FSTL5: variants seen among roughly 807,000 people sequenced by gnomAD.
The protein encoded by FSTL5 is follistatin-related protein 5.
FSTL5 carries 62 observed loss-of-function variants against 89.1 expected under a neutral mutation model. That is an observed-to-expected ratio of 0.70 (90% CI 0.57 to 0.86). The LOEUF (loss-of-function observed/expected upper bound fraction) is 0.86. FSTL5 is among the 40% of genes least tolerant of loss of function. The pLI, the probability that FSTL5 is intolerant of heterozygous loss-of-function variation, is 0.00. For synonymous variants in FSTL5, 383 were observed against 346.2 expected (o/e 1.11, Z -1.18); for missense variants, 1,057 against 1,001.6 (o/e 1.06, Z -0.75).
At chr4:162,140,829 TATG>T (rs1186148133) in intron 1 of FSTL5, among the ~76,000 whole-genome samples, 2 of 152,094 alleles carry the variant, frequency 1.3e-5, no homozygotes, top group African/African-American at 4.8e-5. Flanking sequence ...GAGAATCTGA[TATG>T]AGGAGTAGAA....
At position 161,470,133 on chromosome 4, in the gene FSTL5, T is replaced by G. The variant is rs143324852; in HGVS notation, c.1609-10814A>C. The stretch of plus-strand genomic sequence containing the variant: ...AAGTCCAATTTATGTAATTTTTCTT[T>G]GATTGCTTGTGCCTTTGTTGTCACA... On this transcript the variant is annotated intron_variant, in intron 13 of 15. Coordinates refer to ENST00000306100, the MANE Select transcript of FSTL5 (RefSeq NM_020116.5). Among the ~76,000 whole-genome samples, 241 of 152,338 alleles carry G rather than the reference T, an allele frequency of 1.6e-3. 1 individual carries two copies. Among genetic ancestry groups the G allele is most frequent in the Admixed American group, 5.4e-3 (83 of 15,290 alleles).
At chr4:161,862,728 C>A (rs1489541618) in intron 4 of FSTL5, among the ~76,000 whole-genome samples, 1 of 151,908 alleles carries the variant, frequency 6.6e-6, no homozygotes, top group Admixed American at 6.6e-5. Flanking sequence ...GAGACTCCAT[C>A]TCAAAAAATA....
intron 3 of FSTL5, among the ~76,000 whole-genome samples, chr4:161,935,913 G>A (rs1366243255): frequency 1.3e-5 from 2 of 152,166 alleles, no homozygotes; most frequent in African/African-American, 4.8e-5. Flanking sequence ...TAGGTGAGGT[G>A]GCCCATGCCT....
At chr4:161,847,712 C>T (rs1020846727) in intron 4 of FSTL5, among the ~76,000 whole-genome samples, 2 of 151,964 alleles carry the variant, frequency 1.3e-5, no homozygotes, top group Admixed American at 6.6e-5. Flanking sequence ...TTAATCTCAA[C>T]ATAATATTAA....
At chr4:162,030,339 A>G (rs1729738231) in intron 3 of FSTL5, among the ~76,000 whole-genome samples, 1 of 152,150 alleles carries the variant, frequency 6.6e-6, no homozygotes, top group African/African-American at 2.4e-5. Context: ...ACTCAATACA[A>G]TGTCTGAAAT....
At chr4:162,122,436 T>C (rs570998382) in intron 1 of FSTL5, among the ~76,000 whole-genome samples, 1 of 152,240 alleles carries the variant, frequency 6.6e-6, no homozygotes, top group South Asian at 2.1e-4. Context: ...AATATTCTCA[T>C]GATTTCACTT....
At chr4:161,618,300 T>C (rs1170173428) in intron 7 of FSTL5, among the ~76,000 whole-genome samples, 1 of 136,928 alleles carries the variant, frequency 7.3e-6, no homozygotes, top group Non-Finnish European at 1.5e-5. Flanking sequence ...CTTTTCCTAA[T>C]TGAATACCTT....
At chr4:161,430,568 G>A (rs145203355) in intron 15 of FSTL5, among the ~76,000 whole-genome samples, 2 of 152,026 alleles carry the variant, frequency 1.3e-5, no homozygotes, top group Non-Finnish European at 2.9e-5. Context: ...GTGAAACCCC[G>A]TCTCTACTAA....
chr4:161,691,095 T>C (rs1236330076), intron 6 of FSTL5, among the ~76,000 whole-genome samples: 2 of 152,176 alleles, frequency 1.3e-5, no homozygotes, highest in Non-Finnish European at 2.9e-5. Flanking sequence ...TCATGCTTTT[T>C]ATGTAAAATC....
intron 2 of FSTL5, among the ~76,000 whole-genome samples, chr4:162,044,123 C>T (rs557969128): frequency 2.6e-5 from 4 of 152,086 alleles, no homozygotes; most frequent in Admixed American, 6.6e-5. Context: ...ATTTACTTTG[C>T]CCAGATCCAG....
chr4:161,390,595 C>T (rs1358742351), intron 15 of FSTL5, among the ~76,000 whole-genome samples: 1 of 151,980 alleles, frequency 6.6e-6, no homozygotes, highest in African/African-American at 2.4e-5. Context: ...GAGCACTTGC[C>T]ACGTTACAAT....
intron 4 of FSTL5, among the ~76,000 whole-genome samples, chr4:161,782,259 A>G (rs1741699267): frequency 6.6e-6 from 1 of 152,192 alleles, no homozygotes; most frequent in African/African-American, 2.4e-5. Flanking sequence ...ATAAACATCA[A>G]AAAGCATGAT....
At chr4:161,847,233 T>G (rs1454845935) in intron 4 of FSTL5, among the ~76,000 whole-genome samples, 1 of 152,216 alleles carries the variant, frequency 6.6e-6, no homozygotes, top group Admixed American at 6.5e-5. Context: ...TCCAAAGTTT[T>G]ATAAAGGATC....
At chr4:161,396,684 G>A (rs565559626) in intron 15 of FSTL5, among the ~76,000 whole-genome samples, 2 of 147,706 alleles carry the variant, frequency 1.4e-5, no homozygotes, top group African/African-American at 2.5e-5. Flanking sequence ...GAAGTAAGAC[G>A]CAATATGGGA....
chr4:161,975,196 G>A (rs1314518346), intron 3 of FSTL5, among the ~76,000 whole-genome samples: 11 of 132,608 alleles, frequency 8.3e-5, no homozygotes, highest in African/African-American at 2.7e-4. Context: ...TCAGTGTGGC[G>A]ATTCCTCAGG....
At chr4:161,696,178 GC>G (rs1738159225) in intron 6 of FSTL5, among the ~76,000 whole-genome samples, 1 of 152,066 alleles carries the variant, frequency 6.6e-6, no homozygotes, top group African/African-American at 2.4e-5. Context: ...CCTACTTGTG[GC>G]CTGCCAATTA....
intron 7 of FSTL5, among the ~76,000 whole-genome samples, chr4:161,594,692 T>C (rs1560970321): frequency 1.3e-5 from 2 of 152,064 alleles, no homozygotes; most frequent in South Asian, 2.1e-4. Flanking sequence ...AACAATTTTA[T>C]AAACTCCTTT....
At chr4:161,904,212 T>C (rs1223274804) in intron 4 of FSTL5, among the ~76,000 whole-genome samples, 1 of 152,062 alleles carries the variant, frequency 6.6e-6, no homozygotes, top group Non-Finnish European at 1.5e-5. Flanking sequence ...ATTCTAGCAC[T>C]TACTTTTAAG....
chr4:161,924,336 A>G (rs1734068209), intron 3 of FSTL5, among the ~76,000 whole-genome samples: 1 of 151,072 alleles, frequency 6.6e-6, no homozygotes, highest in Admixed American at 6.6e-5. Flanking sequence ...CAGATTCTCA[A>G]TAATGAATAA....
Sources: allele counts gnomAD v4.1 joint callset (sites outside exome capture counted in the v4.1 genomes callset), GRCh38; gene constraint gnomAD v4.1.1; transcripts MANE v1.5; gene names NCBI Gene and HGNC (gene_info 2026-07-23, HGNC 2026-07-21).